FOCAD: variants seen among roughly 807,000 people sequenced by gnomAD.
FOCAD encodes focadhesin, also known as KIAA1797.
FOCAD carries 198 observed loss-of-function variants against 225.6 expected under a neutral mutation model. That is an observed-to-expected ratio of 0.88 (90% CI 0.78 to 0.99). The LOEUF (loss-of-function observed/expected upper bound fraction) is 0.99, where lower values mean the gene tolerates loss of function less well. Ranked by LOEUF, FOCAD falls within the 50% of genes least tolerant of loss-of-function variation. The probability of loss-of-function intolerance (pLI) is 0.00; values close to 1 mark genes in which losing one functional copy is unlikely to be tolerated. For missense variants in FOCAD, 2,713 were observed against 2,123.6 expected (o/e 1.28, Z -5.46); for synonymous variants, 897 against 755.0 (o/e 1.19, Z -3.08).
intron 8 of FOCAD, among the ~76,000 whole-genome samples, chr9:20,773,556 A>G (rs1335338143): frequency 6.6e-6 from 1 of 152,184 alleles, no homozygotes; most frequent in Non-Finnish European, 1.5e-5. Flanking sequence ...TAGCCACCAC[A>G]GAAGTTCTCC....
upstream of FOCAD, chr9:20,684,255 A>C (rs1470424671): frequency 6.6e-6 from 1 of 152,464 alleles, no homozygotes; most frequent in Non-Finnish European, 1.5e-5. Flanking sequence ...GGGCCACGTC[A>C]GGCAGCCGGC....
rs539069739 is a variant in FOCAD at position 20,958,629 on chromosome 9, T to C, written c.4132+5564T>C. On this transcript the variant is annotated intron_variant, in intron 35 of 43. Coordinates refer to ENST00000338382, the MANE Select transcript of FOCAD (RefSeq NM_001375567.1). ...CAGTAGTATAGAACACTAGAACTTATACCTTCCATCTAATTGTGGTTTTGT... is the reference window on the plus strand; with the variant it reads ...CAGTAGTATAGAACACTAGAACTTACACCTTCCATCTAATTGTGGTTTTGT... Among the ~76,000 whole-genome samples the C allele has an allele frequency of 4.1e-4, 63 of 152,312 alleles. No individual in the cohort carries two copies. The South Asian group carries it at 0.012, about 29-fold the overall frequency.
At chr9:20,737,251 T>C (rs1457347010) in intron 4 of FOCAD, among the ~76,000 whole-genome samples, 3 of 152,244 alleles carry the variant, frequency 2.0e-5, no homozygotes, top group Non-Finnish European at 4.4e-5. Flanking sequence ...ATGTGATGTC[T>C]ATTCTTTTCT....
intron 15 of FOCAD, among the ~76,000 whole-genome samples, chr9:20,833,456 C>G (rs1195795949): frequency 6.6e-6 from 1 of 152,008 alleles, no homozygotes; most frequent in Non-Finnish European, 1.5e-5. Context: ...TAAAGATAAA[C>G]ATACTAATAT....
rs759674974 is a variant in FOCAD at position 20,946,733 on chromosome 9, A to G, written c.3588A>G (p.Thr1196=). The change falls in exon 30 of 44, where the codon ACA becomes ACG. Residue 1196 remains threonine (T), a synonymous_variant. Coordinates refer to ENST00000338382, the MANE Select transcript of FOCAD (RefSeq NM_001375567.1). ...VLAYTLSCVC[T]SAFSAGIIEA... is the part of the protein sequence containing the mutation. The stretch of plus-strand genomic sequence containing the variant: ...CCTACACACTTAGCTGTGTATGTAC[A>G]TCAGCGTTCAGTGCTGGAATTATTG... 4 of 1,613,590 alleles carry G rather than the reference A, an allele frequency of 2.5e-6. No individual in the cohort carries two copies. The highest frequency in any genetic ancestry group is 1.3e-5 in the African/African-American group (1 of 74,996).
At position 20,865,942 on chromosome 9, in the gene FOCAD, T is replaced by A; in HGVS notation, c.2072T>A (p.Val691Asp). Residue 691 changes from valine to aspartate, a missense_variant, in exon 17 of 44, where the codon GTC becomes GAC. Val to Asp is a radical substitution (Grantham distance 152, BLOSUM62 -3). Coordinates refer to ENST00000338382, the MANE Select transcript of FOCAD (RefSeq NM_001375567.1). ...ACTTTTCAGAATTTTAAAGTTCAAG[T>A]CCTCAGCTTCCTCTGGACTCATACT... ...TTEYENFKVQ[V>D]LSFLWTHTQN... The A allele has an allele frequency of 6.2e-7, 1 of 1,608,908 alleles. No individual in the cohort carries two copies. The highest frequency in any genetic ancestry group is 8.5e-7 in the Non-Finnish European group (1 of 1,177,596).
chr9:20,881,760 A>T, intron 19 of FOCAD, 111 bp from the exon 20 acceptor site: 1 of 1,047,754 alleles, frequency 9.5e-7, no homozygotes, highest in Non-Finnish European at 1.4e-6. Flanking sequence ...TTACCATGTA[A>T]GGTTTGGCCA....
intron 21 of FOCAD, among the ~76,000 whole-genome samples, chr9:20,888,921 A>C (rs762888315): frequency 4.3e-4 from 65 of 152,208 alleles, no homozygotes; most frequent in Non-Finnish European, 6.9e-4. Flanking sequence ...TTCTTGTGCA[A>C]ATTACCCAGT....
chr9:20,701,896 G>A (rs1489958708), intron 1 of FOCAD, among the ~76,000 whole-genome samples: 4 of 152,074 alleles, frequency 2.6e-5, no homozygotes, highest in South Asian at 2.1e-4. Flanking sequence ...GATTTAACAC[G>A]TATGTGCAAA....
chr9:20,701,945 G>C (rs1230650955), intron 1 of FOCAD, among the ~76,000 whole-genome samples: 1 of 152,168 alleles, frequency 6.6e-6, no homozygotes, highest in African/African-American at 2.4e-5. Flanking sequence ...GATTTCCTGA[G>C]ATGCAGCAAA....
At chr9:20,718,411 TTG>T (rs1174781697) in intron 3 of FOCAD, among the ~76,000 whole-genome samples, 6 of 151,434 alleles carry the variant, frequency 4.0e-5, no homozygotes, top group Admixed American at 1.3e-4. Flanking sequence ...TTGATCAGTG[TTG>T]TGTGTTTTGA....
chr9:20,879,657 A>G (rs1287438461), intron 19 of FOCAD, among the ~76,000 whole-genome samples: 2 of 152,312 alleles, frequency 1.3e-5, no homozygotes, highest in East Asian at 3.9e-4. Flanking sequence ...TTAAATTCCC[A>G]TCTGGTCATT....
At chr9:20,871,683 T>C (rs905444956) in intron 18 of FOCAD, among the ~76,000 whole-genome samples, 9 of 138,488 alleles carry the variant, frequency 6.5e-5, no homozygotes, top group Non-Finnish European at 1.4e-4. Context: ...CCGCATGTTC[T>C]CACTCATAGG....
At chr9:20,859,775 AAAAGGTACGAT>A (rs1828591031) in intron 15 of FOCAD, among the ~76,000 whole-genome samples, 1 of 149,950 alleles carries the variant, frequency 6.7e-6, no homozygotes, top group Non-Finnish European at 1.5e-5. Flanking sequence ...TGAACCTTGG[AAAAGGTACGAT>A]AACTGATAGA....
At position 20,711,523 on chromosome 9, in the gene FOCAD, T is replaced by TA. The variant is rs200146946; in HGVS notation, c.-32-3798dup. Among the ~76,000 whole-genome samples the TA allele has an allele frequency of 6.9e-3, 1,047 of 152,268 alleles. 21 individuals carry two copies. The highest frequency in any genetic ancestry group is 0.024 in the African/African-American group (1,000 of 41,538). ...ATGGAGAGCCCCAAGACTAAGCAGT[T>TA]ACTGGAGTAAGCCTGCCATGAGGAA... On this transcript the variant is annotated intron_variant, in intron 1 of 43. Transcript: ENST00000338382.
rs531815603 is a variant in FOCAD, at chr9:20,678,800, G to A, written c.-77-15720G>A. 2.0e-4 allele frequency among the ~76,000 whole-genome samples: 31 copies of A among 152,278 alleles called. No homozygotes were observed. In the South Asian group the frequency reaches 6.2e-3, roughly 31 times the overall value. On this transcript the variant is annotated intron_variant, in intron 2 of 45. Coordinates refer to the FOCAD transcript ENST00000380249. ...TCTCCTTTCTGCTTTCAGCTTAGGC[G>A]TGATTTGGGGGCCCCAATGTTACTG...
At chr9:20,738,714 C>G (rs892925379) in intron 4 of FOCAD, among the ~76,000 whole-genome samples, 1 of 152,210 alleles carries the variant, frequency 6.6e-6, no homozygotes, top group African/African-American at 2.4e-5. Flanking sequence ...AGGCACTAAA[C>G]TATTTGAGTG....
intron 11 of FOCAD, among the ~76,000 whole-genome samples, chr9:20,806,612 A>G (rs1233044348): frequency 1.3e-5 from 2 of 152,186 alleles, no homozygotes; most frequent in Non-Finnish European, 2.9e-5. Flanking sequence ...GGGGCATTGT[A>G]AGGACTTAAA....
intron 8 of FOCAD, among the ~76,000 whole-genome samples, chr9:20,771,267 A>G (rs931105349): frequency 6.6e-5 from 10 of 152,256 alleles, no homozygotes; most frequent in African/African-American, 1.9e-4. Flanking sequence ...TCCATGCCAC[A>G]CAAATGAGTT....
Sources: gnomAD v4.1 joint callset for allele counts (sites outside exome capture counted in the v4.1 genomes callset) on GRCh38, gnomAD v4.1.1 for gene constraint, MANE v1.5 for transcripts, NCBI Gene and HGNC (gene_info 2026-07-23, HGNC 2026-07-21) for gene names.